KCNH7: variants seen among roughly 807,000 people sequenced by gnomAD.
The protein encoded by KCNH7 is voltage-gated inwardly rectifying potassium channel KCNH7.
Under a neutral mutation model 120.8 loss-of-function variants are expected in KCNH7, and 49 were observed. The observed-to-expected ratio is 0.41, with a 90% CI of 0.32 to 0.51. The LOEUF is 0.51. Ranked by LOEUF, KCNH7 falls within the 20% of genes least tolerant of loss-of-function variation. KCNH7 has a pLI of 0.38. For synonymous variants in KCNH7, 547 were observed against 516.1 expected (o/e 1.06, Z -0.81); for missense variants, 1,097 against 1,446.6 (o/e 0.76, Z 3.92).
At chr2:162,520,922 T>C (rs1370305540) in intron 3 of KCNH7, among the ~76,000 whole-genome samples, 1 of 151,892 alleles carries the variant, frequency 6.6e-6, no homozygotes, top group Non-Finnish European at 1.5e-5. Context: ...CTCTCTAGAA[T>C]CCAGTCATAT....
chr2:162,530,185 T>C (rs933137681), intron 3 of KCNH7, among the ~76,000 whole-genome samples: 8 of 151,998 alleles, frequency 5.3e-5, no homozygotes, highest in African/African-American at 1.7e-4. Flanking sequence ...GTTTTCAGAA[T>C]GTATGGAGCC....
chr2:162,476,797 T>A (rs1468078170), intron 6 of KCNH7, among the ~76,000 whole-genome samples: 2 of 152,170 alleles, frequency 1.3e-5, no homozygotes, highest in Non-Finnish European at 2.9e-5. Flanking sequence ...TAATTGCAAA[T>A]TTGAAGCTTC....
chr2:162,524,563 A>G (rs1318673083), intron 3 of KCNH7, among the ~76,000 whole-genome samples: 2 of 151,958 alleles, frequency 1.3e-5, no homozygotes, highest in East Asian at 3.9e-4. Context: ...TATCACACAA[A>G]ATAAGGATGT....
At chr2:162,579,923 T>C (rs1189468489) in intron 2 of KCNH7, among the ~76,000 whole-genome samples, 1 of 152,066 alleles carries the variant, frequency 6.6e-6, no homozygotes, top group Non-Finnish European at 1.5e-5. Context: ...TTAAATGACC[T>C]TTAATGGAGA....
intron 9 of KCNH7, among the ~76,000 whole-genome samples, chr2:162,408,478 A>G (rs541501852): frequency 6.6e-6 from 1 of 152,156 alleles, no homozygotes; most frequent in East Asian, 1.9e-4. Flanking sequence ...CCAAATACCA[A>G]TGTATCTACA....
chr2:162,804,574 A>C (rs1684467259), intron 2 of KCNH7, among the ~76,000 whole-genome samples: 1 of 152,108 alleles, frequency 6.6e-6, no homozygotes, highest in Non-Finnish European at 1.5e-5. Flanking sequence ...AGAACTACAA[A>C]GCACTGCTGA....
At chr2:162,507,609 A>T (rs1184683702) in intron 5 of KCNH7, among the ~76,000 whole-genome samples, 1 of 151,610 alleles carries the variant, frequency 6.6e-6, no homozygotes, top group Non-Finnish European at 1.5e-5. Context: ...AATGTATTAG[A>T]GGATGAATAC....
intron 4 of KCNH7, among the ~76,000 whole-genome samples, chr2:162,513,713 A>C (rs1691190754): frequency 1.3e-5 from 2 of 151,696 alleles, no homozygotes; most frequent in South Asian, 4.1e-4. Context: ...CTCCAAATGT[A>C]CTTCAATATA....
chr2:162,434,601 A>G (rs1688178230), intron 8 of KCNH7, among the ~76,000 whole-genome samples: 1 of 152,050 alleles, frequency 6.6e-6, no homozygotes, highest in Admixed American at 6.6e-5. Flanking sequence ...GACATTAACC[A>G]ATCACTTAGA....
chr2:162,423,116 G>T, intron 9 of KCNH7: 1 of 888,892 alleles, frequency 1.1e-6, no homozygotes, highest in Non-Finnish European at 1.7e-6. Context: ...ATATCAGTTT[G>T]CATCATGTTA....
intron 5 of KCNH7, among the ~76,000 whole-genome samples, chr2:162,505,703 G>A (rs995089123): frequency 2.0e-5 from 3 of 151,818 alleles, no homozygotes; most frequent in Admixed American, 6.6e-5. Flanking sequence ...TATAAAAATC[G>A]TGAGCTCCCT....
Position 162,481,026 on chromosome 2 carries a change from C to T in KCNH7, c.1128+23417G>A, listed in dbSNP as rs116038224. Among the ~76,000 whole-genome samples, 693 of 152,210 alleles carry T rather than the reference C, an allele frequency of 4.6e-3. 7 individuals are homozygous for T. The highest frequency in any genetic ancestry group is 0.016 in the African/African-American group (657 of 41,544). On this transcript the variant is annotated intron_variant, in intron 6 of 15. Coordinates refer to ENST00000332142, the MANE Select transcript of KCNH7 (RefSeq NM_033272.4). ...ACCCAGCTGACATCCTTCTGGCTTCCTTCGTGTTTTAATGTCGACAATGAT... is the reference window on the plus strand; with the variant it reads ...ACCCAGCTGACATCCTTCTGGCTTCTTTCGTGTTTTAATGTCGACAATGAT...
chr2:162,508,873 A>G (rs1690973009), intron 5 of KCNH7, among the ~76,000 whole-genome samples: 2 of 151,554 alleles, frequency 1.3e-5, no homozygotes, highest in Non-Finnish European at 3.0e-5. Context: ...AAATAAATTT[A>G]AAGGAAATGA....
chr2:162,679,051 T>A, intron 2 of KCNH7, among the ~76,000 whole-genome samples: 1 of 151,718 alleles, frequency 6.6e-6, no homozygotes, highest in East Asian at 1.9e-4. Context: ...AAATTTGAAA[T>A]AACAGGTCAC....
chr2:162,474,136 T>C (rs572818968), intron 6 of KCNH7, among the ~76,000 whole-genome samples: 1 of 152,332 alleles, frequency 6.6e-6, no homozygotes, highest in Non-Finnish European at 1.5e-5. Context: ...TATTACCATT[T>C]CAGGTTTCAA....
chr2:162,683,103 G>C (rs1371526180), intron 2 of KCNH7, among the ~76,000 whole-genome samples: 1 of 151,782 alleles, frequency 6.6e-6, no homozygotes, highest in African/African-American at 2.4e-5. Context: ...GTATAATACA[G>C]AAATGCTTTT....
At chr2:162,535,446 G>T (rs1036539248) in intron 3 of KCNH7, among the ~76,000 whole-genome samples, 6 of 151,658 alleles carry the variant, frequency 4.0e-5, no homozygotes, top group Non-Finnish European at 7.4e-5. Context: ...TGGGAAAAAA[G>T]TTCCATTTAT....
chr2:162,715,946 TTGTGTG>T (rs55649777), intron 2 of KCNH7, among the ~76,000 whole-genome samples: 83 of 146,482 alleles, frequency 5.7e-4, no homozygotes, highest in African/African-American at 9.1e-4. Flanking sequence ...GAGCATGTCT[TTGTGTG>T]TGTGTGTGTG....
chr2:162,653,693 G>A (rs1684645382), intron 2 of KCNH7, among the ~76,000 whole-genome samples: 1 of 152,076 alleles, frequency 6.6e-6, no homozygotes, highest in South Asian at 2.1e-4. Flanking sequence ...ATAGCAGAAG[G>A]TATCTTGAGT....
Sources: allele counts gnomAD v4.1 joint callset (sites outside exome capture counted in the v4.1 genomes callset), GRCh38; gene constraint gnomAD v4.1.1; transcripts MANE v1.5; gene names NCBI Gene and HGNC (gene_info 2026-07-23, HGNC 2026-07-21).